The following SUN1 variants were observed in gnomAD, a reference collection of about 807,000 sequenced individuals.
SUN1 encodes the protein Sad1 and UNC84 domain containing 1.
SUN1 carries 61 observed loss-of-function variants against 103.2 expected under a neutral mutation model. The observed-to-expected ratio is 0.59, with a 90% CI of 0.48 to 0.73. The LOEUF is 0.73. SUN1 is among the 30% of genes least tolerant of loss of function. The pLI is 0.00. For missense variants in SUN1, 1,052 were observed against 1,034.6 expected (o/e 1.02, Z -0.23); for synonymous variants, 490 against 425.7 (o/e 1.15, Z -1.86).
intron 11 of SUN1, among the ~76,000 whole-genome samples, chr7:855,519 G>A (rs1826308807): frequency 6.6e-6 from 1 of 152,216 alleles, no homozygotes; most frequent in African/African-American, 2.4e-5. Context: ...TTGTGTCTCT[G>A]GTGCTTGACA....
chr7:821,063 C>A (rs896453578), intron 1 of SUN1, among the ~76,000 whole-genome samples: 4 of 149,688 alleles, frequency 2.7e-5, no homozygotes, highest in African/African-American at 9.8e-5. Context: ...TTCTCCCTTT[C>A]ATTTTGTTCT....
chr7:829,623 C>T (rs767694947), upstream of SUN1, among the ~76,000 whole-genome samples: 6 of 150,216 alleles, frequency 4.0e-5, no homozygotes, highest in Non-Finnish European at 8.8e-5. Flanking sequence ...GGCGCTATCT[C>T]GGCTCACTGC....
chr7:818,639 A>G (rs977670490), intron 1 of SUN1, among the ~76,000 whole-genome samples: 12 of 152,136 alleles, frequency 7.9e-5, no homozygotes, highest in African/African-American at 2.4e-4. Flanking sequence ...CAGTGTCCGC[A>G]CCATTTTACA....
At position 852,626 on chromosome 7, in the gene SUN1, G is replaced by GC; in HGVS notation, c.870dup (p.Lys291GlnfsTer38). The GC allele has an allele frequency of 6.2e-7, 1 of 1,614,212 alleles. No homozygotes were observed. The highest frequency in any genetic ancestry group is 8.5e-7 in the Non-Finnish European group (1 of 1,180,036). On this transcript the variant is annotated frameshift_variant, in exon 8 of 19. Coordinates refer to ENST00000401592, the MANE Select transcript of SUN1 (RefSeq NM_001130965.3). LOFTEE classifies it high-confidence loss of function. ...ACTCCCAGGTGCCTTCGAAACATCT[G>GC]CAAGTTTTTAGTCTTGCTCATCCCA...
intron 15 of SUN1, among the ~76,000 whole-genome samples, chr7:864,902 T>C (rs971921708): frequency 6.6e-6 from 1 of 151,972 alleles, no homozygotes; most frequent in Non-Finnish European, 1.5e-5. Context: ...GTACTGGGAT[T>C]ACAGGCGTGA....
upstream of SUN1, among the ~76,000 whole-genome samples, chr7:828,260 G>T (rs59218753): frequency 0.26 from 33,373 of 129,308 alleles, 4,223 homozygotes; most frequent in East Asian, 0.51. Context: ...TTTTGTTTTT[G>T]TTTTTTGTTT....
At chr7:834,398 C>G (rs1423454855) in intron 1 of SUN1, among the ~76,000 whole-genome samples, 3 of 152,156 alleles carry the variant, frequency 2.0e-5, no homozygotes, top group Non-Finnish European at 4.4e-5. Flanking sequence ...AGGGAAGGAC[C>G]AGCCGCCTCA....
At chr7:817,364 G>A in intron 1 of SUN1, 1 of 1,502,166 alleles carries the variant, frequency 6.7e-7, no homozygotes, top group East Asian at 2.5e-5. Context: ...GCGCGCGCGT[G>A]GTCTCCGCGC....
intron 1 of SUN1, among the ~76,000 whole-genome samples, chr7:819,825 C>T (rs950677724): frequency 9.2e-5 from 14 of 151,940 alleles, no homozygotes; most frequent in Admixed American, 7.2e-4. Context: ...TCTCCCGCCT[C>T]AGCCTCCCAA....
intron 11 of SUN1, among the ~76,000 whole-genome samples, chr7:855,362 G>C (rs1363464290): frequency 6.6e-6 from 1 of 152,230 alleles, no homozygotes; most frequent in Non-Finnish European, 1.5e-5. Flanking sequence ...TCAGAGGGGG[G>C]ATAAAGGACC....
upstream of SUN1, chr7:831,903 A>G (rs879420045): frequency 3.0e-6 from 1 of 333,050 alleles, no homozygotes; most frequent in Non-Finnish European, 4.3e-6. Context: ...AAATAAATCT[A>G]GATGACAACC....
At chr7:828,632 A>G (rs1407028263), upstream of SUN1, among the ~76,000 whole-genome samples, 1 of 152,186 alleles carries the variant, frequency 6.6e-6, no homozygotes, top group South Asian at 2.1e-4. Flanking sequence ...TTGCAACCTT[A>G]ACAGAAGCCC....
At chr7:828,857 C>T (rs1795327096), upstream of SUN1, among the ~76,000 whole-genome samples, 1 of 152,254 alleles carries the variant, frequency 6.6e-6, no homozygotes, top group Non-Finnish European at 1.5e-5. Flanking sequence ...CCTCTGTGCA[C>T]ACCTGTGCTG....
intron 2 of SUN1, among the ~76,000 whole-genome samples, chr7:839,361 C>G (rs904689966): frequency 1.3e-5 from 2 of 152,232 alleles, no homozygotes; most frequent in African/African-American, 4.8e-5. Context: ...ATTACACATG[C>G]TGTCGTGGAC....
At chr7:837,645 G>C (rs1000125234) in intron 1 of SUN1, among the ~76,000 whole-genome samples, 5 of 152,066 alleles carry the variant, frequency 3.3e-5, no homozygotes, top group Admixed American at 3.3e-4. Flanking sequence ...GAAATTTTAT[G>C]TTCCCCCAAA....
intron 5 of SUN1, among the ~76,000 whole-genome samples, chr7:846,866 C>G (rs1816343417): frequency 1.3e-5 from 2 of 151,542 alleles, no homozygotes; most frequent in South Asian, 4.2e-4. Flanking sequence ...TACAAAACGT[C>G]AGCTGGGCAT....
At position 843,484 on chromosome 7, in the gene SUN1, G is replaced by T. The variant is rs539058781; in HGVS notation, c.622G>T (p.Val208Leu). The T allele has an allele frequency of 6.2e-7, 1 of 1,614,088 alleles. No homozygotes were observed. The highest frequency in any genetic ancestry group is 8.5e-7 in the Non-Finnish European group (1 of 1,179,936). The change falls in exon 5 of 19, where the codon GTG (valine) becomes TTG (leucine). Residue 208 changes from valine to leucine, a missense_variant. By Grantham distance (32) the Val-to-Leu change is conservative. Coordinates refer to ENST00000401592, the MANE Select transcript of SUN1 (RefSeq NM_001130965.3). ...LTAHPAAPGP[V>L]SRVYSRDRNQ... ...GGCGCACCCCGCGGCCCCCGGGCCC[G>T]TGTCGAGAGTTTATTCTAGGGACAG...
chr7:872,102 GC>G (rs1842140211), intron 17 of SUN1, among the ~76,000 whole-genome samples: 1 of 152,150 alleles, frequency 6.6e-6, no homozygotes, highest in Non-Finnish European at 1.5e-5. Flanking sequence ...ATCTCCCCGG[GC>G]TCAGCAGGTG....
Position 866,051 on chromosome 7 carries a change from C to A in SUN1, c.1964C>A (p.Pro655Gln). 1.2e-6 allele frequency: 2 copies of A among 1,614,042 alleles called. No individual in the cohort carries two copies. The highest frequency in any genetic ancestry group is 1.7e-6 in the Non-Finnish European group (2 of 1,179,950). ...CCGCTGTGGTACTTCTCGCAGTCCC[C>A]GCGCGTGGTCATCCAGGTGAGTGGC... The part of the protein sequence containing the change: ...GIPLWYFSQS[P>Q]RVVIQPDIYP... The change falls in exon 16 of 19, where the codon CCG (proline) becomes CAG (glutamine). Residue 655 changes from proline to glutamine, a missense_variant. Pro to Gln is a moderately conservative substitution (Grantham distance 76). Transcript: ENST00000401592.
Sources: allele counts gnomAD v4.1 joint callset (sites outside exome capture counted in the v4.1 genomes callset), GRCh38; gene constraint gnomAD v4.1.1; transcripts MANE v1.5; gene names NCBI Gene and HGNC (gene_info 2026-07-23, HGNC 2026-07-21).